Variants in RBFOX1 observed in about 807,000 individuals in gnomAD.
RBFOX1 encodes RNA binding protein fox-1 homolog 1.
A neutral mutation model predicts 57.7 loss-of-function variants in RBFOX1; 8 were observed. The observed-to-expected ratio is 0.14, with a 90% CI of 0.08 to 0.25. The LOEUF is 0.25. RBFOX1 is among the 10% of genes least tolerant of loss of function. The pLI is 1.00. For synonymous variants in RBFOX1, 326 were observed against 222.4 expected (o/e 1.47, Z -4.15); for missense variants, 611 against 548.5 (o/e 1.11, Z -1.14).
chr16:5,757,715 A>C (rs1037256001), intron 3 of RBFOX1, among the ~76,000 whole-genome samples: 1 of 152,180 alleles, frequency 6.6e-6, no homozygotes, highest in Non-Finnish European at 1.5e-5. Flanking sequence ...CAGTGCTATG[A>C]AGTTGGTCCT....
intron 3 of RBFOX1, among the ~76,000 whole-genome samples, chr16:6,661,808 C>T (rs1021927867): frequency 2.6e-5 from 4 of 152,146 alleles, no homozygotes; most frequent in Non-Finnish European, 4.4e-5. Context: ...GTTGATTTAG[C>T]GGCGGGATGC....
At chr16:6,805,382 C>G (rs1320170645) in intron 3 of RBFOX1, among the ~76,000 whole-genome samples, 1 of 152,078 alleles carries the variant, frequency 6.6e-6, no homozygotes, top group Non-Finnish European at 1.5e-5. Flanking sequence ...ACTTTGGGGT[C>G]TCCTGGAGGA....
intron 3 of RBFOX1, among the ~76,000 whole-genome samples, chr16:6,982,994 A>AG (rs1491298035): frequency 4.1e-4 from 6 of 14,764 alleles, no homozygotes; most frequent in Admixed American, 4.9e-4. Flanking sequence ...GACTCTGTCT[A>AG]AAAAAAAAAA....
chr16:6,239,483 CTCTTTTTT>C (rs1192640362), intron 1 of RBFOX1, among the ~76,000 whole-genome samples: 1 of 102,164 alleles, frequency 9.8e-6, no homozygotes, highest in Non-Finnish European at 2.0e-5. Context: ...CTCCAACTGA[CTCTTTTTT>C]TTTTTTTTTT....
intron 3 of RBFOX1, among the ~76,000 whole-genome samples, chr16:5,790,425 C>T (rs1380248758): frequency 6.6e-6 from 1 of 151,628 alleles, no homozygotes; most frequent in Non-Finnish European, 1.5e-5. Context: ...TTTGTGCCTC[C>T]TTCCACTCCA....
At position 6,534,255 on chromosome 16, in the gene RBFOX1, G is replaced by T. The variant is rs185113677; in HGVS notation, c.-63-120348G>T. Among the ~76,000 whole-genome samples the T allele has an allele frequency of 4.1e-4, 62 of 151,558 alleles. 2 individuals are homozygous for T. The highest frequency in any genetic ancestry group is 1.7e-3 in the Admixed American group (26 of 15,188). On this transcript the variant is annotated intron_variant, in intron 2 of 15. Coordinates refer to ENST00000550418, the MANE Select transcript of RBFOX1 (RefSeq NM_018723.4). ...GAATTGCTGACAAGGACATCAGTGTGTATGTGTGTGTGTGTGTGTGTGTGC... is the reference window on the plus strand; with the variant it reads ...GAATTGCTGACAAGGACATCAGTGTTTATGTGTGTGTGTGTGTGTGTGTGC...
chr16:5,522,430 A>G (rs1358663856), intron 2 of RBFOX1, among the ~76,000 whole-genome samples: 6 of 152,254 alleles, frequency 3.9e-5, no homozygotes, highest in African/African-American at 1.4e-4. Context: ...TAGTATTTGC[A>G]GATATTTAAG....
chr16:6,958,738 C>G (rs1255291070), intron 3 of RBFOX1, among the ~76,000 whole-genome samples: 1 of 152,076 alleles, frequency 6.6e-6, no homozygotes, highest in Non-Finnish European at 1.5e-5. Context: ...CTTCAGAAAT[C>G]TTTTATCATA....
intron 3 of RBFOX1, among the ~76,000 whole-genome samples, chr16:6,913,047 G>C (rs1459307456): frequency 6.6e-6 from 1 of 152,054 alleles, no homozygotes; most frequent in Admixed American, 6.6e-5. Context: ...TCTGATGGGT[G>C]GAAAAGAACT....
intron 3 of RBFOX1, among the ~76,000 whole-genome samples, chr16:7,048,481 G>C (rs774730046): frequency 6.6e-6 from 1 of 151,070 alleles, no homozygotes; most frequent in Non-Finnish European, 1.5e-5. Context: ...GGATGGTCTC[G>C]ATCTCCTGAC....
At chr16:5,700,064 C>T (rs1295612308) in intron 3 of RBFOX1, among the ~76,000 whole-genome samples, 2 of 152,150 alleles carry the variant, frequency 1.3e-5, no homozygotes, top group East Asian at 1.9e-4. Flanking sequence ...GATCTCCTGA[C>T]CTCATGATCT....
chr16:7,336,628 T>A (rs181350506), intron 4 of RBFOX1, among the ~76,000 whole-genome samples: 1 of 152,300 alleles, frequency 6.6e-6, no homozygotes, highest in African/African-American at 2.4e-5. Flanking sequence ...TATAATGAAG[T>A]CAGAGGGAGG....
At chr16:6,219,020 C>T (rs532130023) in intron 1 of RBFOX1, among the ~76,000 whole-genome samples, 20 of 152,280 alleles carry the variant, frequency 1.3e-4, no homozygotes, top group Admixed American at 3.3e-4. Context: ...TTAGGTGACT[C>T]AGGGGCCACA....
intron 4 of RBFOX1, among the ~76,000 whole-genome samples, chr16:5,987,682 G>A (rs1350338582): frequency 6.6e-6 from 1 of 152,118 alleles, no homozygotes; most frequent in Non-Finnish European, 1.5e-5. Context: ...CCACCGTACT[G>A]CAGCCCAGGC....
At chr16:6,113,368 C>A (rs114554862) in intron 1 of RBFOX1, among the ~76,000 whole-genome samples, 2,319 of 152,252 alleles carry the variant, frequency 0.015, 66 homozygotes, top group African/African-American at 0.052. Flanking sequence ...CACCATTAGG[C>A]TATGATACTG....
chr16:6,528,703 C>A (rs1203912213), intron 2 of RBFOX1, among the ~76,000 whole-genome samples: 3 of 152,240 alleles, frequency 2.0e-5, no homozygotes, highest in East Asian at 3.9e-4. Context: ...CTCAACCACT[C>A]CAGTATTGAT....
chr16:6,688,228 A>G (rs1603421293), intron 3 of RBFOX1, among the ~76,000 whole-genome samples: 1 of 151,826 alleles, frequency 6.6e-6, no homozygotes. Flanking sequence ...CTAGAGCAGG[A>G]GGAAGAGAGA....
At chr16:5,969,614 G>T (rs1415958408) in intron 4 of RBFOX1, among the ~76,000 whole-genome samples, 3 of 151,358 alleles carry the variant, frequency 2.0e-5, no homozygotes, top group Non-Finnish European at 4.4e-5. Context: ...GAACCACCAT[G>T]TCCAGCCTTT....
intron 2 of RBFOX1, among the ~76,000 whole-genome samples, chr16:6,633,076 G>A (rs2098403123): frequency 6.6e-6 from 1 of 152,138 alleles, no homozygotes; most frequent in African/African-American, 2.4e-5. Flanking sequence ...CCTGGGACAT[G>A]CTTTTTTCCA....
Sources: gnomAD v4.1 joint callset for allele counts (sites outside exome capture counted in the v4.1 genomes callset) on GRCh38, gnomAD v4.1.1 for gene constraint, MANE v1.5 for transcripts, NCBI Gene and HGNC (gene_info 2026-07-23, HGNC 2026-07-21) for gene names.